Variants in PPP1R42 observed in about 807,000 individuals in gnomAD.
PPP1R42 encodes protein phosphatase 1 regulatory subunit 42.
A neutral mutation model predicts 31.0 loss-of-function variants in PPP1R42; 34 were observed. That is an observed-to-expected ratio of 1.10 (90% CI 0.83 to 1.46). PPP1R42 has a LOEUF of 1.46. PPP1R42 is among the 40% of genes most tolerant of loss of function. The probability of loss-of-function intolerance (pLI) is 0.00; values close to 1 mark genes in which losing one functional copy is unlikely to be tolerated. For synonymous variants in PPP1R42, 103 were observed against 109.8 expected, an observed-to-expected ratio of 0.94 and a Z score of 0.39; for missense variants, 268 against 303.0, an observed-to-expected ratio of 0.88 and a Z score of 0.86.
At chr8:67,027,727 C>A (rs1350885268) in intron 1 of PPP1R42, among the ~76,000 whole-genome samples, 1 of 152,174 alleles carries the variant, frequency 6.6e-6, no homozygotes, top group Non-Finnish European at 1.5e-5. Context: ...AAAATAATGT[C>A]CGCACTTGTG....
At chr8:66,978,022 C>T (rs1181489066) in intron 7 of PPP1R42, among the ~76,000 whole-genome samples, 1 of 152,204 alleles carries the variant, frequency 6.6e-6, no homozygotes, top group Non-Finnish European at 1.5e-5. Flanking sequence ...TTCCCACTAA[C>T]AGTGTATAAG....
At chr8:66,983,945 C>A (rs7835708) in intron 6 of PPP1R42, among the ~76,000 whole-genome samples, 5,309 of 152,032 alleles carry the variant, frequency 0.035, 195 homozygotes, top group African/African-American at 0.079. Context: ...TTTAATCATA[C>A]GCACATAAGG....
At chr8:66,997,805 T>A (rs1029483281) in intron 5 of PPP1R42, among the ~76,000 whole-genome samples, 7 of 152,086 alleles carry the variant, frequency 4.6e-5, no homozygotes, top group African/African-American at 1.7e-4. Context: ...TCCTGCCTCA[T>A]CCTCCCAAAG....
At chr8:66,984,004 T>TCC (rs1426197479) in intron 6 of PPP1R42, 29 of 916,440 alleles carry the variant, frequency 3.2e-5, no homozygotes, top group Non-Finnish European at 4.7e-5. Context: ...CAAGATATTC[T>TCC]CCCTTTGTCC....
chr8:67,010,364 A>G (rs1490479563), intron 5 of PPP1R42, among the ~76,000 whole-genome samples: 1 of 152,248 alleles, frequency 6.6e-6, no homozygotes. Context: ...AGGTCTAGTC[A>G]CAGTTACTAG....
Position 67,010,746 on chromosome 8 carries a change from A to G in PPP1R42, c.521T>C (p.Ile174Thr), listed in dbSNP as rs994901155. 4.4e-6 allele frequency: 7 copies of G among 1,607,770 alleles called. No individual in the cohort carries two copies. The Admixed American group carries it at 5.0e-5, about 12-fold the overall frequency. The change falls in exon 5 of 8, where the codon ATA becomes ACA. Residue 174 changes from isoleucine (I) to threonine (T), a missense_variant. Physicochemically the swap from Ile to Thr is moderately conservative, Grantham distance 89 (BLOSUM62 -1). Transcript: ENST00000685739. Reference protein sequence around the residue: ...LELLENLNQLIAVDNQLLHVK... With the variant: ...LELLENLNQLTAVDNQLLHVK... ...ATGCAGAAGTTGGTTGTCAACGGCTATGAGCTGATTAAGATTCTCTAGTAG... is the reference window on the plus strand; with the variant it reads ...ATGCAGAAGTTGGTTGTCAACGGCTGTGAGCTGATTAAGATTCTCTAGTAG...
chr8:67,023,157 G>C (rs899203093), intron 1 of PPP1R42, among the ~76,000 whole-genome samples: 1 of 130,026 alleles, frequency 7.7e-6, no homozygotes, highest in Non-Finnish European at 1.5e-5. Context: ...ACAGGGTCTC[G>C]CTCTGTACAG....
intron 1 of PPP1R42, among the ~76,000 whole-genome samples, chr8:67,024,101 G>A (rs1275781987): frequency 6.6e-6 from 1 of 151,548 alleles, no homozygotes; most frequent in African/African-American, 2.4e-5. Flanking sequence ...AGCTGAGATC[G>A]TGCCACTGCA....
At chr8:66,982,345 TTTTA>T (rs1441555808) in intron 6 of PPP1R42, among the ~76,000 whole-genome samples, 165 bp from the exon 7 acceptor site, 1 of 152,210 alleles carries the variant, frequency 6.6e-6, no homozygotes, top group East Asian at 1.9e-4. Context: ...TTTGTTGAGA[TTTTA>T]TTTATAGATT....
chr8:66,984,521 C>A (rs1309944961), intron 6 of PPP1R42: 5 of 1,263,444 alleles, frequency 4.0e-6, no homozygotes, highest in Non-Finnish European at 5.8e-6. Flanking sequence ...AACTTCTTGG[C>A]TGGGGTGCTA....
At chr8:66,988,261 T>C in intron 6 of PPP1R42, 139 bp downstream of exon 6, 2 of 1,268,068 alleles carry the variant, frequency 1.6e-6, no homozygotes, top group South Asian at 3.1e-5. Context: ...TTTGCTCTTA[T>C]TCAAAATATT....
chr8:66,994,459 A>G (rs1251801727), intron 5 of PPP1R42, among the ~76,000 whole-genome samples: 2 of 152,158 alleles, frequency 1.3e-5, no homozygotes, highest in African/African-American at 4.8e-5. Flanking sequence ...TTCCTTTCTC[A>G]CTGCTCAAAC....
At chr8:66,988,079 C>A (rs545928541) in intron 6 of PPP1R42, 2 of 960,812 alleles carry the variant, frequency 2.1e-6, no homozygotes, top group South Asian at 9.6e-5. Context: ...TTGGGATCAT[C>A]AAAGGATTTG....
intron 4 of PPP1R42, among the ~76,000 whole-genome samples, chr8:67,012,415 A>T (rs1396946545): frequency 6.6e-6 from 1 of 152,074 alleles, no homozygotes; most frequent in African/African-American, 2.4e-5. Flanking sequence ...CCTCCATCCA[A>T]TGTGACTGGT....
intron 7 of PPP1R42, among the ~76,000 whole-genome samples, chr8:66,967,543 A>G (rs1814418753): frequency 6.6e-6 from 1 of 152,204 alleles, no homozygotes; most frequent in Admixed American, 6.5e-5. Flanking sequence ...AAGCACATAG[A>G]TCTGTTGTTA....
intron 7 of PPP1R42, 76 bp downstream of exon 7, chr8:66,981,973 T>C: frequency 8.0e-7 from 1 of 1,252,016 alleles, no homozygotes; most frequent in Non-Finnish European, 1.0e-6. Flanking sequence ...CTATTTTATT[T>C]GTTGGCATTT....
Position 66,990,747 on chromosome 8 carries a change from G to A in PPP1R42, c.553-2230C>T, listed in dbSNP as rs115510877. Among the ~76,000 whole-genome samples the A allele has an allele frequency of 8.2e-3, 1,249 of 152,204 alleles. 13 individuals are homozygous for A. The highest frequency in any genetic ancestry group is 0.029 in the African/African-American group (1,191 of 41,510). On this transcript the variant is annotated intron_variant, in intron 5 of 7. Coordinates refer to ENST00000685739, the MANE Select transcript of PPP1R42 (RefSeq NM_001364910.1). ...TTTATCGGAAATGTCTGGACCAACCGTCCTTACTAAATCTAAAGACAGCCA... is the reference window on the plus strand; with the variant it reads ...TTTATCGGAAATGTCTGGACCAACCATCCTTACTAAATCTAAAGACAGCCA...
At chr8:66,997,766 G>A (rs977096087) in intron 5 of PPP1R42, among the ~76,000 whole-genome samples, 4 of 151,422 alleles carry the variant, frequency 2.6e-5, no homozygotes, top group African/African-American at 9.7e-5. Context: ...TGCCCAGGCT[G>A]GTCTCAAACT....
At chr8:66,975,652 G>T (rs1814648927) in intron 7 of PPP1R42, among the ~76,000 whole-genome samples, 1 of 151,932 alleles carries the variant, frequency 6.6e-6, no homozygotes, top group South Asian at 2.1e-4. Context: ...TCAAAAAAAA[G>T]ATGGTTTTTG....
Sources: allele counts gnomAD v4.1 joint callset (sites outside exome capture counted in the v4.1 genomes callset), GRCh38; gene constraint gnomAD v4.1.1; transcripts MANE v1.5; gene names NCBI Gene and HGNC (gene_info 2026-07-23, HGNC 2026-07-21).